GALE: variants seen among roughly 807,000 people sequenced by gnomAD.
The protein encoded by GALE is UDP-glucose 4-epimerase.
In GALE, 32 loss-of-function variants were observed where a neutral mutation model predicts 44.1. The observed-to-expected ratio is 0.73, with a 90% CI of 0.55 to 0.97. GALE has a LOEUF of 0.97. GALE is among the 50% of genes least tolerant of loss of function. The pLI is 0.00. For synonymous variants in GALE, 182 were observed against 183.5 expected, an observed-to-expected ratio of 0.99 and a Z score of 0.06; for missense variants, 423 against 455.6, an observed-to-expected ratio of 0.93 and a Z score of 0.65.
In GALE at chr1:23,796,436, G is replaced by T. The variant is rs769741920; in HGVS notation, c.873+73C>A. ...TACCCTCCAGAGAGGTGAGTGGGAAGGGCCAAAGCTGCTCTGTTGCTGAGA... is the reference window on the plus strand; with the variant it reads ...TACCCTCCAGAGAGGTGAGTGGGAATGGCCAAAGCTGCTCTGTTGCTGAGA... On this transcript the variant is annotated intron_variant, in intron 10 of 11. Transcript: ENST00000617979. This position sits in a 1 kb window ranked among gnomAD's most constrained non-coding sequence, Gnocchi z 5.2. 5.3e-5 allele frequency: 81 copies of T among 1,528,904 alleles called. No homozygotes were observed. The highest frequency in any genetic ancestry group is 7.1e-5 in the Non-Finnish European group (79 of 1,112,948). 94.7% of individuals were successfully genotyped at this position (1,528,904 alleles called of 1,614,324 possible).
In GALE at chr1:23,796,523, C is replaced by A; in HGVS notation, c.859G>T (p.Ala287Ser). Residue 287 changes from alanine (A) to serine (S), a missense_variant, in exon 10 of 12, where the codon GCC (alanine) becomes TCC (serine). Ala to Ser is a moderately conservative substitution (Grantham distance 99, BLOSUM62 1). Coordinates refer to ENST00000617979, the MANE Select transcript of GALE (RefSeq NM_001008216.2). The surrounding 1 kb of genome is among the most constrained non-coding windows in gnomAD (Gnocchi z 5.2). Reference sequence around the variant, plus strand: ...GGGGGGCCTACCTTCTTCCCAGAGGCCTTCTCCATAGCCTGGACCATCTGC... The same window carrying A: ...GGGGGGCCTACCTTCTTCCCAGAGGACTTCTCCATAGCCTGGACCATCTGC... ...VLQMVQAMEK[A>S]SGKKIPYKVV... is the part of the protein sequence containing the mutation. 2 of 1,613,382 alleles carry A rather than the reference C, an allele frequency of 1.2e-6. No homozygotes were observed. Among genetic ancestry groups the A allele is most frequent in the African/African-American group, 1.3e-5 (1 of 74,966 alleles).
chr1:23,798,381 C>T lies in GALE; in HGVS notation c.238-151G>A, dbSNP rs1259487510. 17 of 720,450 alleles carry T rather than the reference C, an allele frequency of 2.4e-5. No individual in the cohort carries two copies. The highest frequency in any genetic ancestry group is 5.4e-5 in the East Asian group (2 of 37,314). 44.6% of individuals were successfully genotyped at this position (720,450 alleles called of 1,614,324 possible). On this transcript the variant is annotated intron_variant, in intron 4 of 11. Transcript: ENST00000617979. This position sits in a 1 kb window ranked among gnomAD's most constrained non-coding sequence, Gnocchi z 4.5. ...GTACAGTGGTGCCATCTCAGCTCAC[C>T]GCAACCTCCACCTCCCAGGCTCAAG...
chr1:23,797,212 G>A (rs1238196594), intron 6 of GALE, 65 bp from the exon 7 acceptor site: 4 of 1,129,462 alleles, frequency 3.5e-6, no homozygotes, highest in African/African-American at 3.1e-5. Context: ...TGAACCCAGA[G>A]CCCTCCTCAT....
In GALE at chr1:23,799,351, T is replaced by C. The variant is rs1639060964; in HGVS notation, c.-6+15A>G. 4 of 375,146 alleles carry C rather than the reference T, an allele frequency of 1.1e-5. No homozygotes were observed. Among genetic ancestry groups the C allele is most frequent in the Non-Finnish European group, 2.0e-5 (4 of 196,250 alleles). 23.2% of individuals were successfully genotyped at this position (375,146 alleles called of 1,614,324 possible). A position where few individuals can be genotyped will look rare whatever the true frequency, so the allele number is the denominator to read the frequency against. On this transcript the variant is annotated intron_variant, in intron 2 of 11. Coordinates refer to ENST00000617979, the MANE Select transcript of GALE (RefSeq NM_001008216.2). Reference sequence around the variant, plus strand: ...GACCTGACACACAGGCACCTTATTTTCTAGTTCCACTTGCCTTGGAGTTGG... The same window carrying C: ...GACCTGACACACAGGCACCTTATTTCCTAGTTCCACTTGCCTTGGAGTTGG...
chr1:23,797,815 G>T lies in GALE; in HGVS notation c.408C>A (p.Tyr136Ter), dbSNP rs727503943. 15 of 1,614,190 alleles carry T rather than the reference G, an allele frequency of 9.3e-6. No homozygotes were observed. In the Admixed American group the frequency reaches 1.0e-4, roughly 11 times the overall value. The change falls in exon 6 of 12, where the codon TAC becomes TAA. Residue 136 changes from tyrosine (Y) to a stop codon, truncating the protein, a stop_gained. Transcript: ENST00000617979. LOFTEE classifies it high-confidence loss of function. ...NLVFSSSATV[Y>*]GNPQYLPLDE... ...CAAGGGGCAGGTACTGGGGGTTCCC[G>T]TACACAGTGGCTGAGCTGCTGAACA...
chr1:23,796,437 G>A lies in GALE; in HGVS notation c.873+72C>T. Reference sequence around the variant, plus strand: ...ACCCTCCAGAGAGGTGAGTGGGAAGGGCCAAAGCTGCTCTGTTGCTGAGAG... The same window carrying A: ...ACCCTCCAGAGAGGTGAGTGGGAAGAGCCAAAGCTGCTCTGTTGCTGAGAG... On this transcript the variant is annotated intron_variant, in intron 10 of 11. Transcript: ENST00000617979. This position sits in a 1 kb window ranked among gnomAD's most constrained non-coding sequence, Gnocchi z 5.2. 1 of 1,377,922 alleles carries A rather than the reference G, an allele frequency of 7.3e-7. No individual in the cohort carries two copies. Among genetic ancestry groups the A allele is most frequent in the Non-Finnish European group, 9.8e-7 (1 of 1,018,512 alleles). The allele number at this position is 1,377,922 out of a possible 1,614,324, so 85.4% of individuals were successfully genotyped here. A position where few individuals can be genotyped will look rare whatever the true frequency, so the allele number is the denominator to read the frequency against.
At chr1:23,800,315 G>A (rs1639088796) in intron 1 of GALE, 1 of 152,684 alleles carries the variant, frequency 6.5e-6, no homozygotes, top group Admixed American at 6.5e-5. Context: ...GACCCCGAAA[G>A]TGGTCGCAGA....
chr1:23,799,045 G>A, intron 2 of GALE, 33 bp from the exon 3 acceptor site: 3 of 1,613,932 alleles, frequency 1.9e-6, no homozygotes, highest in Non-Finnish European at 2.5e-6. Flanking sequence ...AGAGGTGGCT[G>A]AGGCTGCCTG....
rs933723438 is a variant in GALE, at chr1:23,797,483, G to T, written c.528+212C>A. On this transcript the variant is annotated intron_variant, in intron 6 of 11. Transcript: ENST00000617979. ...GATCTGCCCACCTGGGCCTCCCAAA[G>T]TGCTGAGATTACAGGTATGAGCCAC... Among the ~76,000 whole-genome samples, 9 of 152,168 alleles carry T rather than the reference G, an allele frequency of 5.9e-5. No homozygotes were observed. In the South Asian group the frequency reaches 1.9e-3, roughly 31 times the overall value.
chr1:23,796,122 CT>C lies in GALE; in HGVS notation c.988+28del. 6.2e-7 allele frequency: 1 copy of C among 1,607,748 alleles called. No homozygotes were observed. Among genetic ancestry groups the C allele is most frequent in the Non-Finnish European group, 8.5e-7 (1 of 1,174,174 alleles). On this transcript the variant is annotated intron_variant, in intron 11 of 11. Coordinates refer to ENST00000617979, the MANE Select transcript of GALE (RefSeq NM_001008216.2). This position sits in a 1 kb window ranked among gnomAD's most constrained non-coding sequence, Gnocchi z 5.2. ...ATCTGATTTAGCCCCTCCCTGGCCC[CT>C]AACTGCAGGGGTCAGGCCAGCACTC...
rs758564937 is a variant in GALE at position 23,797,694 on chromosome 1, C to T, written c.528+1G>A. The T allele has an allele frequency of 3.1e-6, 5 of 1,614,040 alleles. No homozygotes were observed. Among genetic ancestry groups the T allele is most frequent in the East Asian group, 4.5e-5 (2 of 44,880 alleles). ...CAGGGCACTGTCAAGGGGGCCCTCA[C>T]CTTGTCTGCCTGGCACAGGTCCCGG... On this transcript the variant is annotated splice_donor_variant, in intron 6 of 11. Transcript: ENST00000617979. LOFTEE classifies it high-confidence loss of function.
Position 23,796,911 on chromosome 1 carries a change from ACATT to A in GALE, c.670_673del (p.Asn224SerfsTer31), listed in dbSNP as rs1193149996. The A allele has an allele frequency of 6.2e-7, 1 of 1,613,672 alleles. No individual in the cohort carries two copies. The highest frequency in any genetic ancestry group is 8.5e-7 in the Non-Finnish European group (1 of 1,179,910). ...CTCTGTGTCATAGTCATTGCCAAAG[ACATT>A]CAGGGCCTCCCGTCGCCCGATCGCC... is the stretch of plus-strand genomic sequence containing the variant. On this transcript the variant is annotated frameshift_variant, in exon 8 of 12. Coordinates refer to ENST00000617979, the MANE Select transcript of GALE (RefSeq NM_001008216.2). LOFTEE classifies it high-confidence loss of function. This position sits in a 1 kb window ranked among gnomAD's most constrained non-coding sequence, Gnocchi z 5.2.
Position 23,796,026 on chromosome 1 carries a change from T to G in GALE, c.989-19A>C. The G allele has an allele frequency of 3.1e-6, 5 of 1,613,580 alleles. 1 individual carries two copies. The South Asian group carries it at 3.3e-5, about 11-fold the overall frequency. On this transcript the variant is annotated intron_variant, in intron 11 of 11. Transcript: ENST00000617979. The surrounding 1 kb of genome is among the most constrained non-coding windows in gnomAD (Gnocchi z 5.2). The stretch of plus-strand genomic sequence containing the variant: ...TCCTCACCTGCAACACGGCGAGGTG[T>G]GTGCTCAGGGCCCACGGTGGAATGC...
chr1:23,798,066 G>A lies in GALE; in HGVS notation c.351+51C>T, dbSNP rs1446458850. 1.4e-6 allele frequency: 2 copies of A among 1,469,996 alleles called. No homozygotes were observed. Among genetic ancestry groups the A allele is most frequent in the South Asian group, 2.3e-5 (2 of 88,254 alleles). The allele number at this position is 1,469,996 out of a possible 1,614,324, so 91.1% of individuals were successfully genotyped here. A position where few individuals can be genotyped will look rare whatever the true frequency, so the allele number is the denominator to read the frequency against. On this transcript the variant is annotated intron_variant, in intron 5 of 11. Transcript: ENST00000617979. The surrounding 1 kb of genome is among the most constrained non-coding windows in gnomAD (Gnocchi z 4.5). Reference sequence around the variant, plus strand: ...TGTTTGGCACTGCCTGCCAGGCTGGGGTCCAGCTGGACACCCTCCTAGTGT... The same window carrying A: ...TGTTTGGCACTGCCTGCCAGGCTGGAGTCCAGCTGGACACCCTCCTAGTGT...
Position 23,796,491 on chromosome 1 carries a change from T to C in GALE, c.873+18A>G, listed in dbSNP as rs751605749. The C allele has an allele frequency of 1.9e-4, 128 of 663,626 alleles. No individual in the cohort carries two copies. Among genetic ancestry groups the C allele is most frequent in the Non-Finnish European group, 2.3e-4 (113 of 483,180 alleles). 41.1% of individuals were successfully genotyped at this position (663,626 alleles called of 1,614,324 possible). ...GGTGGGGTGAGGTGGGTGAGGTGGG[T>C]GGGGCGGGGGGGCCTACCTTCTTCC... On this transcript the variant is annotated intron_variant, in intron 10 of 11. Coordinates refer to ENST00000617979, the MANE Select transcript of GALE (RefSeq NM_001008216.2). The surrounding 1 kb of genome is among the most constrained non-coding windows in gnomAD (Gnocchi z 5.2).
Position 23,796,487 on chromosome 1 carries a change from T to C in GALE, c.873+22A>G, listed in dbSNP as rs1248347783. 1.5e-6 allele frequency: 1 copy of C among 686,032 alleles called. No homozygotes were observed. The highest frequency in any genetic ancestry group is 1.7e-5 in the South Asian group (1 of 59,870). The allele number at this position is 686,032 out of a possible 1,614,324, so 42.5% of individuals were successfully genotyped here. A position where few individuals can be genotyped will look rare whatever the true frequency, so the allele number is the denominator to read the frequency against. Reference sequence around the variant, plus strand: ...GCTGGGTGGGGTGAGGTGGGTGAGGTGGGTGGGGCGGGGGGGCCTACCTTC... The same window carrying C: ...GCTGGGTGGGGTGAGGTGGGTGAGGCGGGTGGGGCGGGGGGGCCTACCTTC... On this transcript the variant is annotated intron_variant, in intron 10 of 11. Transcript: ENST00000617979. This position sits in a 1 kb window ranked among gnomAD's most constrained non-coding sequence, Gnocchi z 5.2.
In GALE at chr1:23,798,731, C is replaced by T; in HGVS notation, c.122-1G>A. On this transcript the variant is annotated splice_acceptor_variant, in intron 3 of 11. Coordinates refer to ENST00000617979, the MANE Select transcript of GALE (RefSeq NM_001008216.2). LOFTEE classifies it high-confidence loss of function. This position sits in a 1 kb window ranked among gnomAD's most constrained non-coding sequence, Gnocchi z 4.5. Reference sequence around the variant, plus strand: ...AGGCTCTCAGGCAGGGAGCCCCCTCCTGGTAGGGTACATGTAGGCCACATC... The same window carrying T: ...AGGCTCTCAGGCAGGGAGCCCCCTCTTGGTAGGGTACATGTAGGCCACATC... 1 of 1,613,676 alleles carries T rather than the reference C, an allele frequency of 6.2e-7. No homozygotes were observed. Among genetic ancestry groups the T allele is most frequent in the African/African-American group, 1.3e-5 (1 of 75,062 alleles).
At chr1:23,797,971 C>T (rs769240490) in intron 5 of GALE, 100 bp from the exon 6 acceptor site, 1 of 1,387,814 alleles carries the variant, frequency 7.2e-7, no homozygotes, top group Non-Finnish European at 1.0e-6. Context: ...TGAGCACTCT[C>T]ATTTACAGAT....
At chr1:23,797,257 T>C (rs1333198174) in intron 6 of GALE, 110 bp from the exon 7 acceptor site, 1 of 776,154 alleles carries the variant, frequency 1.3e-6, no homozygotes, top group Non-Finnish European at 2.2e-6. Context: ...AGTCTCACTA[T>C]GGCCCAGGCT....
Sources: allele counts gnomAD v4.1 joint callset (sites outside exome capture counted in the v4.1 genomes callset), GRCh38; gene constraint gnomAD v4.1.1; non-coding constraint Gnocchi (gnomAD v3.1); transcripts MANE v1.5; gene names NCBI Gene and HGNC (gene_info 2026-07-23, HGNC 2026-07-21).